FRMPD1: variants seen among roughly 807,000 people sequenced by gnomAD.
FRMPD1 encodes the protein FERM and PDZ domain containing 1, also known as FERM and PDZ domain-containing protein 1.
A neutral mutation model predicts 117.8 loss-of-function variants in FRMPD1; 76 were observed. That is an observed-to-expected ratio of 0.65 (90% CI 0.54 to 0.78). The LOEUF (loss-of-function observed/expected upper bound fraction) is 0.78. Among genes scored for constraint, FRMPD1 ranks in the 30% least tolerant of loss-of-function variants. The pLI is 0.00. For synonymous variants in FRMPD1, 783 were observed against 770.4 expected (o/e 1.02, Z -0.27); for missense variants, 1,786 against 1,964.5 (o/e 0.91, Z 1.72).
intron 9 of FRMPD1, 59 bp downstream of exon 9, chr9:37,731,162 GTGAT>G (rs1823863133): frequency 6.4e-7 from 1 of 1,550,550 alleles, no homozygotes; most frequent in Non-Finnish European, 8.9e-7. Context: ...GGTGCACTGG[GTGAT>G]TTTGAACGTG....
chr9:37,717,467 C>T (rs1484398525), intron 5 of FRMPD1, among the ~76,000 whole-genome samples: 2 of 150,934 alleles, frequency 1.3e-5, no homozygotes, highest in East Asian at 1.9e-4. Flanking sequence ...GCAACCTCCA[C>T]CTCCTGGATT....
chr9:37,706,213 G>C (rs768211227), intron 2 of FRMPD1, among the ~76,000 whole-genome samples: 10 of 152,080 alleles, frequency 6.6e-5, no homozygotes, highest in Non-Finnish European at 1.3e-4. Context: ...CAGGGCCTGG[G>C]GGGGATCCTT....
chr9:37,682,787 C>G (rs953196577), intron 1 of FRMPD1, among the ~76,000 whole-genome samples: 1 of 152,166 alleles, frequency 6.6e-6, no homozygotes, highest in African/African-American at 2.4e-5. Context: ...AGATTCCTTA[C>G]AGAGTTGGGG....
the FRMPD1 span, among the ~76,000 whole-genome samples, chr9:37,609,238 A>T: frequency 6.6e-6 from 1 of 151,570 alleles, no homozygotes; most frequent in East Asian, 1.9e-4. Context: ...TTTGCGGTGA[A>T]CCCAGATCAC....
chr9:37,729,988 C>A, intron 8 of FRMPD1, 135 bp downstream of exon 8: 2 of 853,672 alleles, frequency 2.3e-6, no homozygotes, highest in Middle Eastern at 3.4e-4. Flanking sequence ...AGGCACAGAG[C>A]TCACTCAGCC....
In FRMPD1 at chr9:37,734,308, A is replaced by G. The variant is rs1002756010; in HGVS notation, c.1218+483A>G. ...GAGCTTTGGGTATATGAAGGTGAAG[A>G]GGAAAATTGGAAATCATGAAAGAAA... is the stretch of plus-strand genomic sequence containing the variant. On this transcript the variant is annotated intron_variant, in intron 12 of 15. Coordinates refer to ENST00000377765, the MANE Select transcript of FRMPD1 (RefSeq NM_014907.3). 5.9e-5 allele frequency among the ~76,000 whole-genome samples: 9 copies of G among 152,336 alleles called. No homozygotes were observed. The Middle Eastern group carries it at 0.01, about 173-fold the overall frequency.
intron 5 of FRMPD1, among the ~76,000 whole-genome samples, chr9:37,714,520 G>T (rs1823029169): frequency 6.6e-6 from 1 of 152,182 alleles, no homozygotes; most frequent in African/African-American, 2.4e-5. Flanking sequence ...TCTGAGAAAT[G>T]CCCTAAATAT....
At chr9:37,715,204 T>C (rs1823068507) in intron 5 of FRMPD1, among the ~76,000 whole-genome samples, 1 of 152,232 alleles carries the variant, frequency 6.6e-6, no homozygotes, top group Non-Finnish European at 1.5e-5. Flanking sequence ...ATAATATTAA[T>C]ACCAGTATTT....
chr9:37,679,201 T>G (rs1444641854), intron 1 of FRMPD1, among the ~76,000 whole-genome samples: 1 of 152,254 alleles, frequency 6.6e-6, no homozygotes, highest in Admixed American at 6.5e-5. Context: ...AGAGCAGCAG[T>G]CTGCCCAAAA....
At chr9:37,651,127 G>C (rs1449233108) in intron 1 of FRMPD1, 33 bp downstream of exon 1, 1 of 152,534 alleles carries the variant, frequency 6.6e-6, no homozygotes, top group Non-Finnish European at 1.5e-5. Flanking sequence ...GCAAAGTTTT[G>C]GGGAGACGGC....
At chr9:37,668,446 A>C (rs1408996192) in intron 1 of FRMPD1, 1 of 152,226 alleles carries the variant, frequency 6.6e-6, no homozygotes, top group Admixed American at 6.5e-5. Flanking sequence ...TTGTGGCCGC[A>C]ATGTTGGGAA....
the FRMPD1 span, among the ~76,000 whole-genome samples, chr9:37,615,574 G>A: frequency 6.6e-6 from 1 of 152,076 alleles, no homozygotes; most frequent in Non-Finnish European, 1.5e-5. Context: ...ATGTGTTGAT[G>A]TCCTATTTTA....
chr9:37,627,016 T>C, the FRMPD1 span, among the ~76,000 whole-genome samples: 2 of 152,146 alleles, frequency 1.3e-5, no homozygotes, highest in Non-Finnish European at 2.9e-5. Flanking sequence ...ATTGGACTTT[T>C]GTAGTCATTG....
At chr9:37,610,753 C>T in the FRMPD1 span, among the ~76,000 whole-genome samples, 1 of 152,084 alleles carries the variant, frequency 6.6e-6, no homozygotes, top group African/African-American at 2.4e-5. Flanking sequence ...CGCCATCACA[C>T]CTGGATAATT....
chr9:37,732,358 G>A lies in FRMPD1; in HGVS notation c.913G>A (p.Ala305Thr). Reference sequence around the variant, plus strand: ...TGCTGTAGAAATGAAATGTAGCTCTGCACTCCGACTCGCGGCTCTGCACAT... The same window carrying A: ...TGCTGTAGAAATGAAATGTAGCTCTACACTCCGACTCGCGGCTCTGCACAT... ...RFAVEMKCSSALRLAALHIQE... is the reference protein window; with the variant it reads ...RFAVEMKCSSTLRLAALHIQE... Residue 305 changes from alanine to threonine, a missense_variant, in exon 10 of 16, where the codon GCA becomes ACA. Physicochemically the swap from Ala to Thr is moderately conservative, Grantham distance 58. Coordinates refer to ENST00000377765, the MANE Select transcript of FRMPD1 (RefSeq NM_014907.3). 6.2e-7 allele frequency: 1 copy of A among 1,613,872 alleles called. No homozygotes were observed. The highest frequency in any genetic ancestry group is 8.5e-7 in the Non-Finnish European group (1 of 1,179,996).
At chr9:37,739,734 G>T (rs946040148) in intron 14 of FRMPD1, among the ~76,000 whole-genome samples, 1 of 152,190 alleles carries the variant, frequency 6.6e-6, no homozygotes, top group African/African-American at 2.4e-5. Context: ...ACTGAGGTCT[G>T]GGGAGGGGCT....
At chr9:37,651,489 C>T (rs1210319425) in intron 1 of FRMPD1, among the ~76,000 whole-genome samples, 1 of 152,246 alleles carries the variant, frequency 6.6e-6, no homozygotes, top group Non-Finnish European at 1.5e-5. Context: ...AGGGGTTCGC[C>T]AGGGACGATC....
In FRMPD1 at chr9:37,733,794, A is replaced by G. The variant is rs199872242; in HGVS notation, c.1187A>G (p.Tyr396Cys). Residue 396 changes from tyrosine (Y) to cysteine (C), a missense_variant, in exon 12 of 16, where the codon TAT becomes TGT. Transcript: ENST00000377765. Reference protein sequence around the residue: ...YLQILGELKTYGGRIFNATLM... With the variant: ...YLQILGELKTCGGRIFNATLM... ...CAGATCCTCGGAGAACTCAAGACAT[A>G]TGGTGGAAGAATCTTTAATGCTACT... The G allele has an allele frequency of 4.3e-5, 68 of 1,596,598 alleles. No homozygotes were observed. The highest frequency in any genetic ancestry group is 5.4e-5 in the Non-Finnish European group (63 of 1,164,184).
chr9:37,692,737 G>A lies in FRMPD1; in HGVS notation c.96G>A (p.Ser32=), dbSNP rs1178414581. ...ARWLRRSRDS[S]ARAKVAAADG... is the part of the protein sequence containing the mutation. ...GGCTTCGGCGCTCCCGGGACAGCTC[G>A]GCCCGGTAAGCCTCCTGAGTTTGCA... Residue 32 remains serine (S), a synonymous_variant, in exon 2 of 16, where the codon TCG becomes TCA. Coordinates refer to ENST00000377765, the MANE Select transcript of FRMPD1 (RefSeq NM_014907.3). 5 of 1,610,550 alleles carry A rather than the reference G, an allele frequency of 3.1e-6. No homozygotes were observed. Among genetic ancestry groups the A allele is most frequent in the Admixed American group, 3.3e-5 (2 of 60,016 alleles).
Sources: allele counts gnomAD v4.1 joint callset (sites outside exome capture counted in the v4.1 genomes callset), GRCh38; gene constraint gnomAD v4.1.1; transcripts MANE v1.5; gene names NCBI Gene and HGNC (gene_info 2026-07-23, HGNC 2026-07-21).